Variants in SMC1A observed in about 807,000 individuals in gnomAD.
SMC1A encodes structural maintenance of chromosomes protein 1A.
SMC1A carries 4 observed loss-of-function variants against 94.5 expected under a neutral mutation model. That is an observed-to-expected ratio of 0.04 (90% CI 0.02 to 0.10). The LOEUF (loss-of-function observed/expected upper bound fraction) is 0.10. Among genes scored for constraint, SMC1A ranks in the 10% least tolerant of loss-of-function variants. The pLI, the probability that SMC1A is intolerant of heterozygous loss-of-function variation, is 1.00. For missense variants in SMC1A, 304 were observed against 989.0 expected (o/e 0.31, Z 9.29); for synonymous variants, 345 against 347.7 (o/e 0.99, Z 0.09).
chrX:53,382,045 G>C, intron 22 of SMC1A, 187 bp downstream of exon 22: 2 of 500,961 alleles, frequency 4.0e-6, no homozygotes, highest in Non-Finnish European at 6.9e-6. Flanking sequence ...AGCAGATGAG[G>C]GTGGATGGGG....
chrX:53,414,945 G>T, intron 2 of SMC1A, 36 bp downstream of exon 2: 1 of 1,206,790 alleles, frequency 8.3e-7, no homozygotes. Flanking sequence ...CCACCTCCCA[G>T]GACCCAAGGA....
chrX:53,399,517 TTCTG>T (rs1396890988), intron 16 of SMC1A, 68 bp downstream of exon 16: 8 of 1,021,231 alleles, frequency 7.8e-6, no homozygotes, highest in East Asian at 3.0e-5. Context: ...GACATTATCC[TTCTG>T]TCTGTCGTAT....
At chrX:53,421,309 G>A (rs781940080) in intron 1 of SMC1A, among the ~76,000 whole-genome samples, 1 of 111,966 alleles carries the variant, frequency 8.9e-6, no homozygotes, top group East Asian at 2.8e-4. Flanking sequence ...TATCTAGCAG[G>A]TAGATGCCAG....
chrX:53,381,171 A>G (rs1029167920), intron 22 of SMC1A, 84 bp from the exon 23 acceptor site: 1 of 576,010 alleles, frequency 1.7e-6, no homozygotes, highest in Non-Finnish European at 3.0e-6. Flanking sequence ...GGCCCATCAA[A>G]CAGGCCAGCT....
intron 1 of SMC1A, among the ~76,000 whole-genome samples, chrX:53,417,579 G>A (rs868914991): frequency 4.1e-4 from 44 of 106,858 alleles, no homozygotes; most frequent in Admixed American, 1.4e-3. Context: ...AAAAGTGAGC[G>A]AACCATTCCA....
At chrX:53,411,972 T>C in intron 6 of SMC1A, 23 bp downstream of exon 6, 2 of 1,211,673 alleles carry the variant, frequency 1.7e-6, no homozygotes, top group Non-Finnish European at 2.2e-6. Context: ...ATCTCCTCCC[T>C]GCCAACCCCT....
At chrX:53,393,490 GATGAT>G (rs1472562413) in intron 19 of SMC1A, among the ~76,000 whole-genome samples, 1 of 111,525 alleles carries the variant, frequency 9.0e-6, no homozygotes, top group Non-Finnish European at 1.9e-5. Flanking sequence ...TTACTGATTA[GATGAT>G]ATTGTGGAGT....
chrX:53,399,776 A>G, intron 15 of SMC1A, 46 bp from the exon 16 acceptor site: 1 of 1,152,392 alleles, frequency 8.7e-7, no homozygotes, highest in Non-Finnish European at 1.2e-6. Flanking sequence ...CTCATCAGCC[A>G]GAGATAACCA....
chrX:53,397,060 TGTTG>T (rs1393714080), intron 16 of SMC1A, among the ~76,000 whole-genome samples: 20 of 108,122 alleles, frequency 1.8e-4, no homozygotes, highest in African/African-American at 2.8e-4. Context: ...CATTTGTTGT[TGTTG>T]TTTTTTTTTT....
intron 1 of SMC1A, among the ~76,000 whole-genome samples, chrX:53,417,151 T>C (rs1602415497): frequency 9.0e-6 from 1 of 111,599 alleles, no homozygotes; most frequent in African/African-American, 3.3e-5. Context: ...CAATACAATA[T>C]AGAGGAACAT....
At position 53,401,577 on chromosome X, in the gene SMC1A, C is replaced by T. The variant is rs139898519; in HGVS notation, c.2421-1847G>A. On this transcript the variant is annotated intron_variant, in intron 15 of 24. Transcript: ENST00000322213. ...TCTATATATTCATTTGACTTATGCT[C>T]CCCCAGTAATGGCCATCTACATTGC... 1.8e-4 allele frequency among the ~76,000 whole-genome samples: 20 copies of T among 111,437 alleles called. No homozygotes were observed. The East Asian group carries it at 5.6e-3, about 31-fold the overall frequency.
chrX:53,399,868 C>T, intron 15 of SMC1A, 138 bp from the exon 16 acceptor site: 2 of 600,669 alleles, frequency 3.3e-6, no homozygotes, highest in East Asian at 3.6e-5. Flanking sequence ...TCAGTCACAA[C>T]TTGCTTCATC....
chrX:53,386,385 C>A (rs950618164), intron 19 of SMC1A, among the ~76,000 whole-genome samples: 18 of 111,532 alleles, frequency 1.6e-4, no homozygotes, highest in Admixed American at 5.7e-4. Context: ...AAAAAAACTA[C>A]AAAAGACACT....
intron 23 of SMC1A, 128 bp downstream of exon 23, chrX:53,380,890 C>G: frequency 1.5e-6 from 1 of 673,099 alleles, no homozygotes; most frequent in Non-Finnish European, 2.4e-6. Context: ...ATGGATGACT[C>G]TGGGCCCAGC....
intron 7 of SMC1A, among the ~76,000 whole-genome samples, chrX:53,409,779 G>A (rs2075704282): frequency 8.9e-6 from 1 of 111,869 alleles, no homozygotes; most frequent in Non-Finnish European, 1.9e-5. Context: ...CTCAAATCAA[G>A]ATAAAGCTTC....
chrX:53,400,540 T>C (rs1311606810), intron 15 of SMC1A, among the ~76,000 whole-genome samples: 4 of 112,006 alleles, frequency 3.6e-5, no homozygotes, highest in Non-Finnish European at 7.5e-5. Context: ...ACCAGGTATA[T>C]TGACTGTACT....
intron 18 of SMC1A, 26 bp downstream of exon 18, chrX:53,396,201 C>T (rs1172031545): frequency 1.7e-6 from 2 of 1,206,464 alleles, no homozygotes; most frequent in African/African-American, 3.5e-5. Context: ...TCATCGCCCA[C>T]TCCCACCACC....
chrX:53,397,323 G>A (rs1293139871), intron 16 of SMC1A, among the ~76,000 whole-genome samples: 1 of 111,913 alleles, frequency 8.9e-6, no homozygotes, highest in African/African-American at 3.2e-5. Context: ...GCTTACACTT[G>A]TGATTCCAGC....
intron 22 of SMC1A, 55 bp from the exon 23 acceptor site, chrX:53,381,142 CG>C: frequency 2.5e-6 from 1 of 392,700 alleles, no homozygotes; most frequent in Non-Finnish European, 4.9e-6. Flanking sequence ...GGTGGCAAGG[CG>C]GGGTGGGACA....
Sources: gnomAD v4.1 joint callset for allele counts (sites outside exome capture counted in the v4.1 genomes callset) on GRCh38, gnomAD v4.1.1 for gene constraint, MANE v1.5 for transcripts, NCBI Gene and HGNC (gene_info 2026-07-23, HGNC 2026-07-21) for gene names.